Variants in BNC2 observed in about 807,000 individuals in gnomAD.
BNC2 encodes zinc finger protein basonuclin-2.
Under a neutral mutation model 76.3 loss-of-function variants are expected in BNC2, and 20 were observed. The observed-to-expected ratio is 0.26, with a 90% CI of 0.18 to 0.38. The LOEUF (loss-of-function observed/expected upper bound fraction) is 0.38, where lower values mean the gene tolerates loss of function less well. Among genes scored for constraint, BNC2 ranks in the 10% least tolerant of loss-of-function variants. BNC2 has a pLI of 1.00. For missense variants in BNC2, 1,382 were observed against 1,399.8 expected (o/e 0.99, Z 0.20); for synonymous variants, 582 against 514.8 (o/e 1.13, Z -1.77).
chr9:16,809,663 A>T (rs1490161379), intron 1 of BNC2, among the ~76,000 whole-genome samples: 1 of 152,030 alleles, frequency 6.6e-6, no homozygotes, highest in Non-Finnish European at 1.5e-5. Context: ...CTGTAGTCCC[A>T]GCTACTCGGG....
chr9:16,518,713 G>A (rs1402298346), intron 5 of BNC2, among the ~76,000 whole-genome samples: 1 of 152,000 alleles, frequency 6.6e-6, no homozygotes, highest in African/African-American at 2.4e-5. Flanking sequence ...TGATTCTCCT[G>A]CCTCAGCCTC....
intron 1 of BNC2, among the ~76,000 whole-genome samples, chr9:16,760,843 CAG>C (rs756009433): frequency 4.8e-4 from 73 of 151,582 alleles, no homozygotes; most frequent in African/African-American, 8.0e-4. Flanking sequence ...GAGAGGGAAA[CAG>C]GGGAAAAAAT....
Position 16,418,901 on chromosome 9 carries a change from C to CACACA in BNC2, c.*87_*88insTGTGT. The CACACA allele has an allele frequency of 1.0e-5, 10 of 985,730 alleles. No homozygotes were observed. Among genetic ancestry groups the CACACA allele is most frequent in the African/African-American group, 3.4e-5 (1 of 29,246 alleles). The allele number at this position is 985,730 out of a possible 1,614,324, so 61.1% of individuals were successfully genotyped here. On this transcript the variant is annotated 3_prime_UTR_variant, in exon 7 of 7. Coordinates refer to ENST00000380672, the MANE Select transcript of BNC2 (RefSeq NM_017637.6). Reference sequence around the variant, plus strand: ...CACACACACACACACACACACACACCCCAAGTACATAAGCGCACACTGACT... The same window carrying CACACA: ...CACACACACACACACACACACACACCACACACCAAGTACATAAGCGCACACTGACT...
intron 3 of BNC2, among the ~76,000 whole-genome samples, chr9:16,655,816 G>A (rs930962956): frequency 6.6e-6 from 1 of 152,128 alleles, no homozygotes; most frequent in Non-Finnish European, 1.5e-5. Flanking sequence ...GAGCAGCAGC[G>A]AACGACTGTC....
chr9:16,541,793 T>C (rs1482876331), intron 5 of BNC2, among the ~76,000 whole-genome samples: 2 of 152,162 alleles, frequency 1.3e-5, no homozygotes, highest in Non-Finnish European at 2.9e-5. Flanking sequence ...TCAGTTTCTC[T>C]GAGGAAGCCT....
At chr9:16,590,293 A>G (rs1018420222) in intron 3 of BNC2, among the ~76,000 whole-genome samples, 1 of 152,006 alleles carries the variant, frequency 6.6e-6, no homozygotes, top group African/African-American at 2.4e-5. Context: ...CCCAGGTTCA[A>G]GAGATTCTCC....
At chr9:16,791,686 T>C (rs1228541499) in intron 1 of BNC2, among the ~76,000 whole-genome samples, 2 of 152,196 alleles carry the variant, frequency 1.3e-5, no homozygotes, top group Non-Finnish European at 2.9e-5. Context: ...CTGTTACTAG[T>C]AACAAAGTCA....
intron 3 of BNC2, among the ~76,000 whole-genome samples, chr9:16,608,830 T>G (rs2095657): frequency 0.17 from 26,016 of 152,164 alleles, 4,620 homozygotes; most frequent in African/African-American, 0.45. Flanking sequence ...AAACTTGAAA[T>G]AGGCAAAAGT....
chr9:16,473,094 T>G (rs1164540496), intron 5 of BNC2: 1 of 152,266 alleles, frequency 6.6e-6, no homozygotes, highest in Non-Finnish European at 1.5e-5. Flanking sequence ...ATCAGGTGGC[T>G]CTTACTTCTT....
chr9:16,734,897 A>C (rs2135079504), intron 2 of BNC2, among the ~76,000 whole-genome samples: 1 of 152,286 alleles, frequency 6.6e-6, no homozygotes, highest in African/African-American at 2.4e-5. Flanking sequence ...CTCCATAACT[A>C]AATATTATCT....
At chr9:16,653,569 T>C (rs1454744069) in intron 3 of BNC2, among the ~76,000 whole-genome samples, 2 of 151,956 alleles carry the variant, frequency 1.3e-5, no homozygotes, top group Non-Finnish European at 2.9e-5. Context: ...TCTGGGGGCC[T>C]GGCGGGGGAA....
intron 5 of BNC2, among the ~76,000 whole-genome samples, chr9:16,468,020 A>T (rs1356806933): frequency 6.7e-6 from 1 of 149,330 alleles, no homozygotes; most frequent in Non-Finnish European, 1.5e-5. Flanking sequence ...AAAAACTCCT[A>T]ATCTCATTTC....
rs982706932 is a variant in BNC2, at chr9:16,417,801, C to T, written c.*1188G>A. ...AATAAATGCCTTGGCTGTTTCACAC[C>T]ACATAATTTTGTTTTCCTTTTATGT... is the stretch of plus-strand genomic sequence containing the variant. On this transcript the variant is annotated 3_prime_UTR_variant, in exon 7 of 7. Transcript: ENST00000380672. The T allele has an allele frequency of 1.3e-5, 2 of 152,614 alleles. No homozygotes were observed. Among genetic ancestry groups the T allele is most frequent in the Non-Finnish European group, 2.9e-5 (2 of 68,034 alleles). 9.5% of individuals were successfully genotyped at this position (152,614 alleles called of 1,614,324 possible). A position where few individuals can be genotyped will look rare whatever the true frequency, so the allele number is the denominator to read the frequency against.
chr9:16,496,065 T>C (rs1324187288), intron 5 of BNC2, among the ~76,000 whole-genome samples: 1 of 151,888 alleles, frequency 6.6e-6, no homozygotes, highest in African/African-American at 2.4e-5. Flanking sequence ...CCCACCACCA[T>C]GCCCGGCTAA....
At chr9:16,495,707 G>A (rs1166586600) in intron 5 of BNC2, among the ~76,000 whole-genome samples, 1 of 152,080 alleles carries the variant, frequency 6.6e-6, no homozygotes, top group African/African-American at 2.4e-5. Context: ...AGCTTGCTAG[G>A]GCCCAGTGGC....
intron 1 of BNC2, among the ~76,000 whole-genome samples, chr9:16,832,002 A>C (rs1448511635): frequency 5.3e-5 from 8 of 152,222 alleles, no homozygotes; most frequent in Non-Finnish European, 8.8e-5. Context: ...AGCCATAACT[A>C]TGAAGTTAAA....
intron 3 of BNC2, among the ~76,000 whole-genome samples, chr9:16,627,672 G>A (rs1280704201): frequency 6.6e-6 from 1 of 152,110 alleles, no homozygotes; most frequent in Non-Finnish European, 1.5e-5. Context: ...CTCACACCCT[G>A]TGGTATTAGA....
At chr9:16,853,127 A>C (rs1390337715) in intron 1 of BNC2, among the ~76,000 whole-genome samples, 1 of 152,152 alleles carries the variant, frequency 6.6e-6, no homozygotes, top group African/African-American at 2.4e-5. Flanking sequence ...AAGATACAAT[A>C]GTATTCTGGG....
At chr9:16,681,547 G>C (rs1822822007) in intron 3 of BNC2, among the ~76,000 whole-genome samples, 1 of 152,024 alleles carries the variant, frequency 6.6e-6, no homozygotes, top group Non-Finnish European at 1.5e-5. Flanking sequence ...TCTGGCTCTT[G>C]GAGAAGATGA....
Sources: allele counts gnomAD v4.1 joint callset (sites outside exome capture counted in the v4.1 genomes callset), GRCh38; gene constraint gnomAD v4.1.1; transcripts MANE v1.5; gene names NCBI Gene and HGNC (gene_info 2026-07-23, HGNC 2026-07-21).